The following SIGLEC15 variants were observed in gnomAD, a reference collection of about 807,000 sequenced individuals.
SIGLEC15 encodes sialic acid binding Ig like lectin 15, also known as sialic acid-binding Ig-like lectin 15.
Under a neutral mutation model 26.2 loss-of-function variants are expected in SIGLEC15, and 31 were observed. The observed-to-expected ratio is 1.18, with a 90% CI of 0.89 to 1.60. The LOEUF is 1.60. Among genes scored for constraint, SIGLEC15 ranks in the 40% most tolerant of loss-of-function variants. The probability of loss-of-function intolerance (pLI) is 0.00; values close to 1 mark genes in which losing one functional copy is unlikely to be tolerated. For missense variants in SIGLEC15, 501 were observed against 488.4 expected (o/e 1.03, Z -0.24); for synonymous variants, 207 against 221.9 (o/e 0.93, Z 0.60).
intron 4 of SIGLEC15, 104 bp from the exon 5 acceptor site, chr18:45,840,107 T>C: frequency 2.3e-6 from 3 of 1,298,098 alleles, no homozygotes; most frequent in Middle Eastern, 1.9e-4. Context: ...TCAAAAACAG[T>C]GGTTTCCTCG....
intron 1 of SIGLEC15, among the ~76,000 whole-genome samples, chr18:45,831,159 C>A (rs140744972): frequency 6.6e-6 from 1 of 152,136 alleles, no homozygotes; most frequent in Admixed American, 6.5e-5. Context: ...ATGCCTCTTG[C>A]GGCAGTGAAC....
chr18:45,837,458 T>C (rs1022329787), intron 2 of SIGLEC15, 55 bp from the exon 3 acceptor site: 22 of 1,421,782 alleles, frequency 1.5e-5, no homozygotes, highest in Non-Finnish European at 2.0e-5. Flanking sequence ...AGGCCCCGGG[T>C]GCGGGCGCCT....
chr18:45,827,975 G>A (rs1453765366), intron 1 of SIGLEC15, among the ~76,000 whole-genome samples: 1 of 152,226 alleles, frequency 6.6e-6, no homozygotes, highest in Non-Finnish European at 1.5e-5. Context: ...CTCAGCTGCA[G>A]AAAGTCATTT....
chr18:45,839,208 C>T (rs936540807), intron 4 of SIGLEC15, 113 bp downstream of exon 4: 55 of 1,293,566 alleles, frequency 4.3e-5, no homozygotes, highest in Non-Finnish European at 5.3e-5. Flanking sequence ...GTTTTTTTGC[C>T]CTATGCATCG....
chr18:45,837,907 G>C lies in SIGLEC15; in HGVS notation c.496+11G>C. On this transcript the variant is annotated intron_variant, in intron 3 of 5. Transcript: ENST00000389474. ...GGCTGCACGTGACAGGCGAGGCGGC[G>C]TGGGAGCGGGTCCCCGGCCTCCCTT... The C allele has an allele frequency of 1.3e-6, 2 of 1,487,116 alleles. No individual in the cohort carries two copies. The highest frequency in any genetic ancestry group is 1.8e-6 in the Non-Finnish European group (2 of 1,129,034). The allele number at this position is 1,487,116 out of a possible 1,614,324, so 92.1% of individuals were successfully genotyped here. A position where few individuals can be genotyped will look rare whatever the true frequency, so the allele number is the denominator to read the frequency against.
At chr18:45,837,125 T>A in intron 2 of SIGLEC15, 37 bp downstream of exon 2, 1 of 1,611,004 alleles carries the variant, frequency 6.2e-7, no homozygotes, top group Non-Finnish European at 8.5e-7. Flanking sequence ...CTCGGGGATC[T>A]TGGGAGTCTG....
rs1245721919 is a variant in SIGLEC15, at chr18:45,842,192, T to C, written c.*5T>C. The C allele has an allele frequency of 6.2e-7, 1 of 1,613,372 alleles. No homozygotes were observed. Among genetic ancestry groups the C allele is most frequent in the Non-Finnish European group, 8.5e-7 (1 of 1,179,828 alleles). ...GCCACCATGTGCTCACCGTGAGGAG[T>C]CCCTCAGCCACCAACATCCATTTCA... On this transcript the variant is annotated 3_prime_UTR_variant, in exon 6 of 6. Coordinates refer to ENST00000389474, the MANE Select transcript of SIGLEC15 (RefSeq NM_213602.3).
Position 45,837,500 on chromosome 18 carries a change from G to T in SIGLEC15, c.113-13G>T. 1 of 1,477,230 alleles carries T rather than the reference G, an allele frequency of 6.8e-7. No homozygotes were observed. Among genetic ancestry groups the T allele is most frequent in the African/African-American group, 1.5e-5 (1 of 68,846 alleles). The allele number at this position is 1,477,230 out of a possible 1,614,324, so 91.5% of individuals were successfully genotyped here. ...CAGGGCCCCGAGCCTGACGCAGCCC[G>T]CCCCGCCCTCAGGCTCGCCAGCGCA... On this transcript the variant is annotated splice_polypyrimidine_tract_variant and intron_variant, in intron 2 of 5. Coordinates refer to ENST00000389474, the MANE Select transcript of SIGLEC15 (RefSeq NM_213602.3).
intron 1 of SIGLEC15, among the ~76,000 whole-genome samples, chr18:45,828,789 G>A (rs1188068477): frequency 6.6e-6 from 1 of 152,160 alleles, no homozygotes; most frequent in East Asian, 1.9e-4. Flanking sequence ...TATTTACTTC[G>A]CTAGTTCTGA....
chr18:45,841,105 C>G (rs1298339737), intron 5 of SIGLEC15: 1 of 152,256 alleles, frequency 6.6e-6, no homozygotes, highest in Non-Finnish European at 1.5e-5. Context: ...CACCTGACAT[C>G]GTAAAGTAAG....
Position 45,837,699 on chromosome 18 carries a change from G to T in SIGLEC15, c.299G>T (p.Gly100Val), listed in dbSNP as rs1400251213. 1.1e-5 allele frequency: 16 copies of T among 1,479,134 alleles called. No individual in the cohort carries two copies. The highest frequency in any genetic ancestry group is 1.4e-5 in the Non-Finnish European group (16 of 1,124,430). The allele number at this position is 1,479,134 out of a possible 1,614,324, so 91.6% of individuals were successfully genotyped here. A position where few individuals can be genotyped will look rare whatever the true frequency, so the allele number is the denominator to read the frequency against. The change falls in exon 3 of 6, where the codon GGC becomes GTC. Residue 100 changes from glycine to valine, a missense_variant. By Grantham distance (109) the Gly-to-Val change is moderately radical (BLOSUM62 -3). Coordinates refer to ENST00000389474, the MANE Select transcript of SIGLEC15 (RefSeq NM_213602.3). ...PQVFRCAAAR[G>V]SELCQTALSL... ...GTGTTCCGCTGCGCTGCGGCGCGGG[G>T]CAGCGAGCTCTGCCAGACGGCGCTG...
chr18:45,830,143 G>A (rs2048221692), intron 1 of SIGLEC15, among the ~76,000 whole-genome samples: 1 of 152,246 alleles, frequency 6.6e-6, no homozygotes, highest in African/African-American at 2.4e-5. Context: ...CTACACAGAG[G>A]TTCCCGTGCA....
intron 3 of SIGLEC15, 148 bp downstream of exon 3, chr18:45,838,044 TG>T (rs2048291319): frequency 1.0e-5 from 11 of 1,097,670 alleles, no homozygotes; most frequent in Non-Finnish European, 1.3e-5. Flanking sequence ...ATCTCACACC[TG>T]GGGGTAGTTT....
chr18:45,830,415 G>A (rs894050), intron 1 of SIGLEC15, among the ~76,000 whole-genome samples: 5 of 151,844 alleles, frequency 3.3e-5, no homozygotes, highest in African/African-American at 4.8e-5. Flanking sequence ...TGCCCGATGC[G>A]GCAGCCCCAA....
intron 1 of SIGLEC15, among the ~76,000 whole-genome samples, chr18:45,833,634 T>C (rs995103476): frequency 2.0e-5 from 3 of 152,196 alleles, no homozygotes; most frequent in African/African-American, 7.2e-5. Context: ...TTAAATGAGA[T>C]GAGGATATCA....
intron 1 of SIGLEC15, among the ~76,000 whole-genome samples, chr18:45,827,319 C>T (rs2048193157): frequency 6.6e-6 from 1 of 152,186 alleles, no homozygotes; most frequent in South Asian, 2.1e-4. Context: ...GATTTGAACC[C>T]AGGTGTGTGG....
intron 1 of SIGLEC15, among the ~76,000 whole-genome samples, chr18:45,830,496 G>C (rs999006835): frequency 6.6e-6 from 1 of 151,972 alleles, no homozygotes; most frequent in African/African-American, 2.4e-5. Context: ...CGCTATGAAA[G>C]ACCATCAAGG....
intron 1 of SIGLEC15, chr18:45,829,233 G>A (rs1253615882): frequency 1.2e-6 from 1 of 857,954 alleles, no homozygotes; most frequent in African/African-American, 1.8e-5. Context: ...AGAGGCATGG[G>A]TTAAAGGGGA....
chr18:45,835,098 GCTTAAAAGCAGGTTGTATGAAAAAAAGAA>G (rs1438580700), intron 1 of SIGLEC15, among the ~76,000 whole-genome samples: 1 of 152,108 alleles, frequency 6.6e-6, no homozygotes, highest in African/African-American at 2.4e-5. Flanking sequence ...AGGAGATTAG[GCTTAAAAGCAGGTTGTATGAAAAAAAGAA>G]CTTGTAGTTT....
Sources: gnomAD v4.1 joint callset for allele counts (sites outside exome capture counted in the v4.1 genomes callset) on GRCh38, gnomAD v4.1.1 for gene constraint, MANE v1.5 for transcripts, NCBI Gene and HGNC (gene_info 2026-07-23, HGNC 2026-07-21) for gene names.